The following UGT1A10 variants were observed in gnomAD, a reference collection of about 807,000 sequenced individuals.
UGT1A10 encodes the protein UDP-glucuronosyltransferase 1A10.
UGT1A10 carries 49 observed loss-of-function variants against 45.8 expected under a neutral mutation model. That is an observed-to-expected ratio of 1.07 (90% CI 0.85 to 1.36). The LOEUF is 1.36. UGT1A10 is among the 40% of genes most tolerant of loss of function. UGT1A10 has a pLI of 0.00. For synonymous variants in UGT1A10, 284 were observed against 249.7 expected, an observed-to-expected ratio of 1.14 and a Z score of -1.29; for missense variants, 745 against 668.6, an observed-to-expected ratio of 1.11 and a Z score of -1.26.
intron 1 of UGT1A10, chr2:233,672,384 T>A: frequency 1.2e-6 from 2 of 1,614,158 alleles, no homozygotes; most frequent in South Asian, 2.2e-5. Flanking sequence ...TCGATCCTTT[T>A]GATAACTGTG....
intron 1 of UGT1A10, chr2:233,753,285 G>A (rs1446489164): frequency 6.6e-6 from 1 of 152,238 alleles, no homozygotes; most frequent in Admixed American, 6.5e-5. Context: ...TGATTTCAGA[G>A]TTCAGTGTGA....
chr2:233,650,017 C>A (rs1299976824), intron 1 of UGT1A10, among the ~76,000 whole-genome samples: 1 of 152,154 alleles, frequency 6.6e-6, no homozygotes, highest in Non-Finnish European at 1.5e-5. Flanking sequence ...GTTGTCGAGG[C>A]TGGGGTGCAA....
intron 1 of UGT1A10, among the ~76,000 whole-genome samples, chr2:233,675,746 C>T (rs1371551948): frequency 1.3e-5 from 2 of 152,118 alleles, no homozygotes; most frequent in Non-Finnish European, 1.5e-5. Context: ...TCATCTATCC[C>T]TTTATTCTAT....
intron 1 of UGT1A10, chr2:233,747,465 A>G: frequency 6.2e-7 from 1 of 1,608,768 alleles, no homozygotes; most frequent in African/African-American, 1.3e-5. Context: ...CATTTCATGG[A>G]CCCAGGATGA....
intron 1 of UGT1A10, among the ~76,000 whole-genome samples, chr2:233,734,400 T>G (rs76797219): frequency 6.6e-6 from 1 of 152,204 alleles, no homozygotes; most frequent in South Asian, 2.1e-4. Context: ...TTGCGTCTAT[T>G]TGATTCTTCT....
At chr2:233,655,214 G>T (rs529148294) in intron 1 of UGT1A10, among the ~76,000 whole-genome samples, 9 of 152,330 alleles carry the variant, frequency 5.9e-5, no homozygotes, top group African/African-American at 2.2e-4. Flanking sequence ...TGACTAATTT[G>T]TGATCACCAG....
At chr2:233,725,013 C>T (rs2077345814) in intron 1 of UGT1A10, among the ~76,000 whole-genome samples, 2 of 148,174 alleles carry the variant, frequency 1.3e-5, no homozygotes, top group Admixed American at 1.4e-4. Flanking sequence ...CCCGGCCAAA[C>T]AGCAAAACCC....
chr2:233,707,844 T>G lies in UGT1A10; in HGVS notation c.856-59190T>G, dbSNP rs544627573. Among the ~76,000 whole-genome samples, 5 of 152,318 alleles carry G rather than the reference T, an allele frequency of 3.3e-5. No individual in the cohort carries two copies. In the South Asian group the frequency reaches 6.2e-4, roughly 19 times the overall value. ...TCATTAATTTAATAAGATGTAACTA[T>G]TTTTCAGAGTGGTTGTACATATCCC... On this transcript the variant is annotated intron_variant, in intron 1 of 4. Transcript: ENST00000344644.
rs527538087 is a variant in UGT1A10, at chr2:233,704,924, A to G, written c.856-62110A>G. 2.6e-5 allele frequency among the ~76,000 whole-genome samples: 4 copies of G among 152,248 alleles called. No individual in the cohort carries two copies. The East Asian group carries it at 7.7e-4, about 29-fold the overall frequency. On this transcript the variant is annotated intron_variant, in intron 1 of 4. Transcript: ENST00000344644. Reference sequence around the variant, plus strand: ...TGAGGCAGGTGGATCACCTGAGACCAGCCTAGATCAAGACCAGCCTGGCCA... The same window carrying G: ...TGAGGCAGGTGGATCACCTGAGACCGGCCTAGATCAAGACCAGCCTGGCCA...
chr2:233,662,224 G>T, intron 1 of UGT1A10, among the ~76,000 whole-genome samples: 1 of 152,096 alleles, frequency 6.6e-6, no homozygotes, highest in Admixed American at 6.6e-5. Flanking sequence ...ATAGATTTGT[G>T]TCTATAATAT....
At chr2:233,752,742 C>T (rs1695047003) in intron 1 of UGT1A10, among the ~76,000 whole-genome samples, 1 of 152,068 alleles carries the variant, frequency 6.6e-6, no homozygotes, top group South Asian at 2.1e-4. Flanking sequence ...GAGACCCTGT[C>T]TCTAAAACAA....
intron 1 of UGT1A10, among the ~76,000 whole-genome samples, chr2:233,712,123 G>A (rs533419380): frequency 6.6e-6 from 1 of 152,342 alleles, no homozygotes; most frequent in South Asian, 2.1e-4. Flanking sequence ...ACTTGCAGAA[G>A]ACTGGAGCCT....
At chr2:233,694,086 G>A (rs45532642) in intron 1 of UGT1A10, among the ~76,000 whole-genome samples, 2 of 152,146 alleles carry the variant, frequency 1.3e-5, no homozygotes, top group Non-Finnish European at 1.5e-5. Context: ...GGCAAGAGTA[G>A]GAGATTTGCT....
intron 1 of UGT1A10, among the ~76,000 whole-genome samples, chr2:233,721,093 C>G (rs2076921307): frequency 6.6e-6 from 1 of 151,954 alleles, no homozygotes; most frequent in Admixed American, 6.6e-5. Flanking sequence ...GAGTTTAGGT[C>G]CTTTGTATTC....
At chr2:233,668,034 T>A (rs2074112322) in intron 1 of UGT1A10, among the ~76,000 whole-genome samples, 1 of 149,554 alleles carries the variant, frequency 6.7e-6, no homozygotes, top group African/African-American at 2.5e-5. Context: ...TTTCCCCTAT[T>A]GCTAAATGTT....
Position 233,769,302 on chromosome 2 carries a change from T to C in UGT1A10, c.1295+863T>C, listed in dbSNP as rs139674601. 9.5e-4 allele frequency among the ~76,000 whole-genome samples: 145 copies of C among 152,348 alleles called. No homozygotes were observed. The highest frequency in any genetic ancestry group is 3.0e-3 in the African/African-American group (125 of 41,572). Reference sequence around the variant, plus strand: ...TGATTTCTGGATTAAAGTTAGTATATTACTGTCAAGCTCACTGGTAATAGG... The same window carrying C: ...TGATTTCTGGATTAAAGTTAGTATACTACTGTCAAGCTCACTGGTAATAGG... On this transcript the variant is annotated intron_variant, in intron 4 of 4. Transcript: ENST00000344644. This position sits in a 1 kb window ranked among gnomAD's most constrained non-coding sequence, Gnocchi z 4.4.
At chr2:233,725,024 G>A (rs1241696904) in intron 1 of UGT1A10, among the ~76,000 whole-genome samples, 4 of 148,280 alleles carry the variant, frequency 2.7e-5, no homozygotes, top group Admixed American at 6.7e-5. Flanking sequence ...AGCAAAACCC[G>A]GTCTCCACCA....
intron 1 of UGT1A10, among the ~76,000 whole-genome samples, chr2:233,655,514 TG>T (rs2073835386): frequency 6.6e-6 from 1 of 152,176 alleles, no homozygotes; most frequent in South Asian, 2.1e-4. Context: ...TCATTTCCAA[TG>T]GGTGACAAGT....
At chr2:233,664,754 A>G (rs1451399841) in intron 1 of UGT1A10, among the ~76,000 whole-genome samples, 1 of 152,220 alleles carries the variant, frequency 6.6e-6, no homozygotes, top group Non-Finnish European at 1.5e-5. Context: ...ATTGGGTATC[A>G]TATTTCAACA....
Sources: allele counts gnomAD v4.1 joint callset (sites outside exome capture counted in the v4.1 genomes callset), GRCh38; gene constraint gnomAD v4.1.1; non-coding constraint Gnocchi (gnomAD v3.1); transcripts MANE v1.5; gene names NCBI Gene and HGNC (gene_info 2026-07-23, HGNC 2026-07-21).